ZMYM6: variants seen among roughly 807,000 people sequenced by gnomAD.
ZMYM6 encodes zinc finger MYM-type protein 6.
ZMYM6 carries 90 observed loss-of-function variants against 134.0 expected under a neutral mutation model. That is an observed-to-expected ratio of 0.67 (90% confidence interval 0.57 to 0.80). ZMYM6 has a LOEUF of 0.80. ZMYM6 is among the 30% of genes least tolerant of loss of function. ZMYM6 has a pLI of 0.00. For missense variants in ZMYM6, 1,362 were observed against 1,533.9 expected (o/e 0.89, Z 1.87); for synonymous variants, 481 against 524.1 (o/e 0.92, Z 1.12).
chr1:34,987,843 T>G lies in ZMYM6; in HGVS notation c.3239A>C (p.Lys1080Thr), dbSNP rs1640601118. Residue 1080 changes from lysine to threonine, a missense_variant, in exon 16 of 16, where the codon AAA becomes ACA. By Grantham distance (78) the Lys-to-Thr change is moderately conservative (BLOSUM62 -1). This residue lies in a region of ZMYM6 where 824 missense variants were observed against 940.9 expected (regional missense o/e 0.88). Transcript: ENST00000357182. ...CTCATGTCGTAATTCAAATAATCTT[T>G]TTAACATTCTCCCTCTTGATATCCA... ...VRWISRGRML[K>T]RLFELRHEIE... 1 of 1,550,950 alleles carries G rather than the reference T, an allele frequency of 6.4e-7. No homozygotes were observed.
Position 35,005,251 on chromosome 1 carries a change from G to T in ZMYM6, c.1835C>A (p.Thr612Asn), listed in dbSNP as rs975536362. ...QNKVNISKAK[T>N]AVTELPSART... The stretch of plus-strand genomic sequence containing the variant: ...TGCAGAAGGGAGCTCCGTCACAGCA[G>T]TTTTTGCTTTAGAAATATTTACTGA... Residue 612 changes from threonine to asparagine, a missense_variant, in exon 13 of 16, where the codon ACT becomes AAT. Physicochemically the swap from Thr to Asn is moderately conservative, Grantham distance 65. Around this residue, in one of 3 missense-constraint regions of ZMYM6, gnomAD observed 824 missense variants for 940.9 expected, o/e 0.88. Coordinates refer to ENST00000357182, the MANE Select transcript of ZMYM6 (RefSeq NM_007167.4). The T allele has an allele frequency of 1.2e-6, 2 of 1,613,884 alleles. No individual in the cohort carries two copies. The highest frequency in any genetic ancestry group is 1.3e-5 in the African/African-American group (1 of 74,900).
chr1:34,987,086 T>C lies in ZMYM6; in HGVS notation c.*18A>G. 4.7e-6 allele frequency: 7 copies of C among 1,476,148 alleles called. No homozygotes were observed. The highest frequency in any genetic ancestry group is 6.4e-6 in the Non-Finnish European group (7 of 1,102,356). 91.4% of individuals were successfully genotyped at this position (1,476,148 alleles called of 1,614,324 possible). A position where few individuals can be genotyped will look rare whatever the true frequency, so the allele number is the denominator to read the frequency against. Reference sequence around the variant, plus strand: ...AACACAGGATTATTGACTTCACTGTTAAGCAATGTGCATATTGCTACTCTT... The same window carrying C: ...AACACAGGATTATTGACTTCACTGTCAAGCAATGTGCATATTGCTACTCTT... On this transcript the variant is annotated 3_prime_UTR_variant, in exon 16 of 16. Coordinates refer to ENST00000357182, the MANE Select transcript of ZMYM6 (RefSeq NM_007167.4).
At chr1:35,006,144 C>T (rs1210951127) in intron 12 of ZMYM6, among the ~76,000 whole-genome samples, 1 of 152,154 alleles carries the variant, frequency 6.6e-6, no homozygotes, top group Non-Finnish European at 1.5e-5. Flanking sequence ...AGCAGCTGAG[C>T]TTACAGGCAC....
At chr1:34,992,901 A>G (rs1640709937) in intron 14 of ZMYM6, among the ~76,000 whole-genome samples, 1 of 147,532 alleles carries the variant, frequency 6.8e-6, no homozygotes, top group African/African-American at 2.4e-5. Context: ...TATACATATA[A>G]TATATATTTT....
At chr1:35,009,715 C>G (rs1641049791) in intron 10 of ZMYM6, among the ~76,000 whole-genome samples, 2 of 152,022 alleles carry the variant, frequency 1.3e-5, no homozygotes, top group Non-Finnish European at 2.9e-5. Context: ...GGAGTACCAC[C>G]TGAGCTCAGG....
chr1:35,017,331 C>A (rs1366154320), intron 4 of ZMYM6: 1 of 152,136 alleles, frequency 6.6e-6, no homozygotes, highest in Admixed American at 6.5e-5. Flanking sequence ...AAAGAATATG[C>A]TTATACACAG....
intron 7 of ZMYM6, 75 bp downstream of exon 7, chr1:35,012,356 C>A: frequency 1.6e-6 from 2 of 1,270,958 alleles, no homozygotes; most frequent in South Asian, 2.0e-5. Context: ...TAGCTTGTAA[C>A]AAAATCAGAG....
chr1:34,995,248 T>C (rs1421812652), intron 14 of ZMYM6, among the ~76,000 whole-genome samples: 3 of 149,012 alleles, frequency 2.0e-5, no homozygotes, highest in African/African-American at 7.4e-5. Flanking sequence ...TATATATGTA[T>C]ATAGGGTTTG....
chr1:35,025,194 G>T (rs908146076), intron 2 of ZMYM6, among the ~76,000 whole-genome samples: 1 of 151,478 alleles, frequency 6.6e-6, no homozygotes, highest in African/African-American at 2.4e-5. Context: ...TGCACAAAAG[G>T]TGGCACAGGC....
intron 4 of ZMYM6, 81 bp from the exon 5 acceptor site, chr1:35,015,243 C>T: frequency 7.6e-7 from 1 of 1,321,208 alleles, no homozygotes. Flanking sequence ...TGAAATAACA[C>T]TTACTAAGGG....
chr1:34,992,030 A>G (rs1017480247), intron 15 of ZMYM6: 3 of 680,068 alleles, frequency 4.4e-6, no homozygotes, highest in Non-Finnish European at 7.4e-6. Flanking sequence ...TATGTTAGTA[A>G]TTATAATAGC....
intron 15 of ZMYM6, chr1:34,989,937 AAAT>A (rs1304214180): frequency 6.6e-6 from 1 of 152,156 alleles, no homozygotes; most frequent in Admixed American, 6.6e-5. Context: ...AGAGACAGAA[AAAT>A]AATGTTTTAC....
At chr1:35,006,852 T>C (rs1458960707) in intron 12 of ZMYM6, 99 bp downstream of exon 12, 5 of 1,130,666 alleles carry the variant, frequency 4.4e-6, no homozygotes, top group Non-Finnish European at 5.7e-6. Flanking sequence ...GCTATTTGAA[T>C]CCAATGAAAT....
chr1:34,995,060 A>ATG (rs758994474), intron 14 of ZMYM6, among the ~76,000 whole-genome samples: 4 of 127,334 alleles, frequency 3.1e-5, no homozygotes, highest in Non-Finnish European at 6.3e-5. Flanking sequence ...ATACGTATAT[A>ATG]TATGTAATAT....
Position 34,987,201 on chromosome 1 carries a change from G to A in ZMYM6, c.3881C>T (p.Ser1294Leu). Residue 1294 changes from serine to leucine, a missense_variant, in exon 16 of 16, where the codon TCA becomes TTA. By Grantham distance (145) the Ser-to-Leu change is moderately radical (BLOSUM62 -2). Coordinates refer to ENST00000357182, the MANE Select transcript of ZMYM6 (RefSeq NM_007167.4). Reference protein sequence around the residue: ...CDAAFSALTESKQKNLLGSGP... With the variant: ...CDAAFSALTELKQKNLLGSGP... ...AGAACCCAACAGATTTTTTTGTTTT[G>A]ACTCAGTCAAAGCTGAAAAGGCAGC... 2 of 1,610,914 alleles carry A rather than the reference G, an allele frequency of 1.2e-6. No individual in the cohort carries two copies. Among genetic ancestry groups the A allele is most frequent in the South Asian group, 1.1e-5 (1 of 90,296 alleles).
chr1:35,013,489 T>C (rs1641126045), intron 6 of ZMYM6: 2 of 985,230 alleles, frequency 2.0e-6, no homozygotes, highest in East Asian at 2.3e-4. Context: ...GATTTTGGGA[T>C]CATATATAAA....
At chr1:35,019,285 T>C (rs764003126) in intron 4 of ZMYM6, 68 bp downstream of exon 4, 1 of 1,595,802 alleles carries the variant, frequency 6.3e-7, no homozygotes, top group South Asian at 1.1e-5. Flanking sequence ...ATCAACAGTA[T>C]GTTTGAACTA....
chr1:34,990,159 A>C (rs922768135), intron 15 of ZMYM6: 1 of 171,326 alleles, frequency 5.8e-6, no homozygotes, highest in African/African-American at 2.3e-5. Context: ...CAGGAGGGCA[A>C]TTTAGGCAAC....
chr1:35,015,164 TA>T lies in ZMYM6; in HGVS notation c.429-3del. 6.3e-7 allele frequency: 1 copy of T among 1,579,750 alleles called. No individual in the cohort carries two copies. Among genetic ancestry groups the T allele is most frequent in the Non-Finnish European group, 8.6e-7 (1 of 1,168,340 alleles). The stretch of plus-strand genomic sequence containing the variant: ...ACATCCTTAGGATTTAAAATGTCTC[TA>T]AAAATAAATAACAAAGGTAAAAATG... On this transcript the variant is annotated splice_region_variant and splice_polypyrimidine_tract_variant and intron_variant, in intron 4 of 15. Coordinates refer to ENST00000357182, the MANE Select transcript of ZMYM6 (RefSeq NM_007167.4).
Sources: allele counts gnomAD v4.1 joint callset (sites outside exome capture counted in the v4.1 genomes callset), GRCh38; gene constraint gnomAD v4.1.1; regional missense constraint gnomAD v4.1.1; transcripts MANE v1.5; gene names NCBI Gene and HGNC (gene_info 2026-07-23, HGNC 2026-07-21).